DAB1: variants seen among roughly 807,000 people sequenced by gnomAD.
DAB1 encodes disabled homolog 1.
In DAB1, 15 loss-of-function variants were observed where a neutral mutation model predicts 64.6. The observed-to-expected ratio is 0.23, with a 90% CI of 0.16 to 0.36. The LOEUF (loss-of-function observed/expected upper bound fraction) is 0.36, where lower values mean the gene tolerates loss of function less well. Among genes scored for constraint, DAB1 ranks in the 10% least tolerant of loss-of-function variants. The pLI, the probability that DAB1 is intolerant of heterozygous loss-of-function variation, is 1.00. For synonymous variants in DAB1, 235 were observed against 251.9 expected (o/e 0.93, Z 0.64); for missense variants, 596 against 706.7 (o/e 0.84, Z 1.78).
chr1:57,293,589 T>C (rs1185674410), intron 1 of DAB1, among the ~76,000 whole-genome samples: 1 of 152,188 alleles, frequency 6.6e-6, no homozygotes, highest in East Asian at 1.9e-4. Flanking sequence ...CTGGCCGGTA[T>C]GTGACCGAAA....
At chr1:58,441,615 G>A (rs575385743) in intron 3 of DAB1, among the ~76,000 whole-genome samples, 2 of 152,284 alleles carry the variant, frequency 1.3e-5, no homozygotes, top group East Asian at 3.9e-4. Context: ...AGTTATAAAA[G>A]AGGTGTCAGA....
chr1:57,410,885 A>G (rs1460978327), intron 1 of DAB1, among the ~76,000 whole-genome samples: 1 of 152,226 alleles, frequency 6.6e-6, no homozygotes, highest in African/African-American at 2.4e-5. Context: ...AAACACAACG[A>G]AACATGTGAG....
At chr1:57,647,125 T>G (rs567954414) in intron 7 of DAB1, among the ~76,000 whole-genome samples, 1 of 152,324 alleles carries the variant, frequency 6.6e-6, no homozygotes, top group South Asian at 2.1e-4. Flanking sequence ...CTCCATATTC[T>G]ACATGCTTGT....
chr1:58,016,668 C>T (rs778600926), intron 5 of DAB1, among the ~76,000 whole-genome samples: 16 of 152,096 alleles, frequency 1.1e-4, no homozygotes, highest in African/African-American at 2.9e-4. Flanking sequence ...AAGCCCTGAA[C>T]GACCTTAATT....
At chr1:57,738,565 G>T (rs3118037) in intron 6 of DAB1, among the ~76,000 whole-genome samples, 44,048 of 151,750 alleles carry the variant, frequency 0.29, 7,674 homozygotes, top group African/African-American at 0.48. Flanking sequence ...TTGTGTGTAA[G>T]TCTATCAGTC....
chr1:57,567,236 C>T lies in DAB1; in HGVS notation n.625+82356G>A, dbSNP rs549259856. Among the ~76,000 whole-genome samples the T allele has an allele frequency of 2.0e-5, 3 of 152,244 alleles. No homozygotes were observed. The South Asian group carries it at 6.2e-4, about 32-fold the overall frequency. On this transcript the variant is annotated intron_variant and non_coding_transcript_variant, in intron 7 of 20. Coordinates refer to the DAB1 transcript ENST00000485760. ...TGACAACATTCAACAGCCCTTCATGCTAAAAACTCTCAATAAATTAGGTAT... is the reference window on the plus strand; with the variant it reads ...TGACAACATTCAACAGCCCTTCATGTTAAAAACTCTCAATAAATTAGGTAT...
At chr1:57,878,623 A>T (rs905455450) in intron 1 of DAB1, 1 of 152,192 alleles carries the variant, frequency 6.6e-6, no homozygotes, top group Non-Finnish European at 1.5e-5. Context: ...ACAATGTGTA[A>T]TGGTCAACTT....
chr1:57,959,956 AC>A (rs1363683425), intron 5 of DAB1, among the ~76,000 whole-genome samples: 4 of 152,112 alleles, frequency 2.6e-5, no homozygotes, highest in African/African-American at 9.7e-5. Context: ...TCTCTAGGCA[AC>A]CCTTGCATAA....
At chr1:57,233,485 G>A (rs137938924) in intron 2 of DAB1, among the ~76,000 whole-genome samples, 2,571 of 152,060 alleles carry the variant, frequency 0.017, 37 homozygotes, top group Admixed American at 0.037. Flanking sequence ...TGCAGGCCAG[G>A]TGCGGTGGCT....
At chr1:57,458,416 G>A (rs1686673680) in intron 7 of DAB1, among the ~76,000 whole-genome samples, 1 of 151,566 alleles carries the variant, frequency 6.6e-6, no homozygotes, top group Non-Finnish European at 1.5e-5. Context: ...TATTGAATGT[G>A]TGATAGCAAC....
intron 14 of DAB1, among the ~76,000 whole-genome samples, chr1:57,006,972 T>C (rs1646093202): frequency 6.6e-6 from 1 of 152,116 alleles, no homozygotes; most frequent in African/African-American, 2.4e-5. Context: ...CCTGACTCTG[T>C]GTTTTGTTTC....
rs1645595482 is a variant in DAB1, at chr1:56,995,849, C to A, written c.*2295G>T. On this transcript the variant is annotated 3_prime_UTR_variant, in exon 15 of 15. Coordinates refer to ENST00000371236, the MANE Select transcript of DAB1 (RefSeq NM_001365792.1). ...CAACTCTTATGGTCATTCCACCTTTCCCATCTTCCCGTTCATGTGAAAGGG... is the reference window on the plus strand; with the variant it reads ...CAACTCTTATGGTCATTCCACCTTTACCATCTTCCCGTTCATGTGAAAGGG... The A allele has an allele frequency of 6.6e-6, 1 of 152,228 alleles. No homozygotes were observed. Among genetic ancestry groups the A allele is most frequent in the Admixed American group, 6.5e-5 (1 of 15,286 alleles). 9.4% of individuals were successfully genotyped at this position (152,228 alleles called of 1,614,324 possible). A position where few individuals can be genotyped will look rare whatever the true frequency, so the allele number is the denominator to read the frequency against.
chr1:58,398,122 C>G (rs773043939), intron 3 of DAB1, among the ~76,000 whole-genome samples: 4 of 152,184 alleles, frequency 2.6e-5, no homozygotes, highest in Non-Finnish European at 4.4e-5. Context: ...CAGGCCAACT[C>G]TGTTCCCTGC....
intron 5 of DAB1, among the ~76,000 whole-genome samples, chr1:57,914,483 A>C (rs1000469475): frequency 1.7e-4 from 26 of 152,024 alleles, no homozygotes; most frequent in Admixed American, 1.4e-3. Flanking sequence ...ATGACGAGTT[A>C]ATGGGTGCAG....
intron 4 of DAB1, among the ~76,000 whole-genome samples, chr1:58,197,385 C>T (rs1657739707): frequency 6.7e-6 from 1 of 148,384 alleles, no homozygotes; most frequent in Non-Finnish European, 1.5e-5. Flanking sequence ...AAGAAACAAA[C>T]ATTCAGTAGG....
At chr1:58,539,285 T>C (rs1264978263) in intron 1 of DAB1, 1 of 831,186 alleles carries the variant, frequency 1.2e-6, no homozygotes. Flanking sequence ...AATCCACAGA[T>C]GAAGCTCATT....
chr1:57,445,460 A>G (rs1052108745), intron 7 of DAB1, among the ~76,000 whole-genome samples: 1 of 152,192 alleles, frequency 6.6e-6, no homozygotes, highest in East Asian at 1.9e-4. Flanking sequence ...GTACAATCCC[A>G]TCATTCTAAT....
intron 4 of DAB1, among the ~76,000 whole-genome samples, chr1:57,097,804 G>A (rs1225680851): frequency 1.3e-5 from 2 of 150,996 alleles, no homozygotes; most frequent in African/African-American, 4.9e-5. Flanking sequence ...TTGAGACAGA[G>A]TCTCACTCTG....
At chr1:57,917,145 C>T (rs1483702250) in intron 5 of DAB1, among the ~76,000 whole-genome samples, 1 of 152,176 alleles carries the variant, frequency 6.6e-6, no homozygotes, top group African/African-American at 2.4e-5. Context: ...CTAAATGTGC[C>T]TGCCTTACTC....
Sources: allele counts gnomAD v4.1 joint callset (sites outside exome capture counted in the v4.1 genomes callset), GRCh38; gene constraint gnomAD v4.1.1; transcripts MANE v1.5; gene names NCBI Gene and HGNC (gene_info 2026-07-23, HGNC 2026-07-21).